The following SLC9B1 variants were observed in gnomAD, a reference collection of about 807,000 sequenced individuals.
SLC9B1 encodes sodium/hydrogen exchanger 9B1.
A neutral mutation model predicts 51.7 loss-of-function variants in SLC9B1; 32 were observed. The ratio of observed to expected loss-of-function variants is 0.62; its 90% CI spans 0.47 to 0.83. The LOEUF is 0.83. Ranked by LOEUF, SLC9B1 falls within the 40% of genes least tolerant of loss-of-function variation. SLC9B1 has a pLI of 0.00. For missense variants in SLC9B1, 406 were observed against 613.2 expected, an observed-to-expected ratio of 0.66 and a Z score of 3.57; for synonymous variants, 145 against 212.7, an observed-to-expected ratio of 0.68 and a Z score of 2.77.
At chr4:102,996,965 TA>T (rs869251637) in intron 1 of SLC9B1, among the ~76,000 whole-genome samples, 24 of 151,412 alleles carry the variant, frequency 1.6e-4, no homozygotes, top group African/African-American at 5.1e-4. Flanking sequence ...TTTTTTTTTT[TA>T]AATTTTTAGT....
rs3974607 is a variant in SLC9B1, at chr4:102,925,699, C to CAAAA, written c.829+6421_829+6424dup. Among the ~76,000 whole-genome samples, 16 of 137,364 alleles carry CAAAA rather than the reference C, an allele frequency of 1.2e-4. 2 individuals are homozygous for CAAAA. The highest frequency in any genetic ancestry group is 1.6e-4 in the Non-Finnish European group (10 of 64,396). 90.1% of individuals were successfully genotyped at this position (137,364 alleles called of 152,430 possible). On this transcript the variant is annotated intron_variant, in intron 7 of 11. Coordinates refer to ENST00000296422, the MANE Select transcript of SLC9B1 (RefSeq NM_139173.4). ...AAAATTAAACACTTCTTCTTTTGTCCAAAAAAAAAAAGAAAGAAAAAAGGG... is the reference window on the plus strand; with the variant it reads ...AAAATTAAACACTTCTTCTTTTGTCCAAAAAAAAAAAAAAAGAAAGAAAAAAGGG...
At chr4:103,006,425 C>T (rs1227269503) in intron 1 of SLC9B1, among the ~76,000 whole-genome samples, 2 of 152,016 alleles carry the variant, frequency 1.3e-5, no homozygotes, top group East Asian at 1.9e-4. Context: ...AAACGTACAA[C>T]CTCCCAAGAT....
intron 6 of SLC9B1, among the ~76,000 whole-genome samples, chr4:102,940,091 T>C (rs1451019122): frequency 1.3e-5 from 2 of 152,194 alleles, no homozygotes; most frequent in Non-Finnish European, 2.9e-5. Flanking sequence ...AACACTTTTA[T>C]ACCAAGAAAA....
At chr4:103,006,353 CT>C (rs1185842778) in intron 1 of SLC9B1, among the ~76,000 whole-genome samples, 5 of 151,926 alleles carry the variant, frequency 3.3e-5, no homozygotes, top group Non-Finnish European at 7.4e-5. Flanking sequence ...AATCCTCAGA[CT>C]ATTATGAACA....
intron 7 of SLC9B1, among the ~76,000 whole-genome samples, chr4:102,921,340 C>A (rs548896952): frequency 6.6e-6 from 1 of 152,100 alleles, no homozygotes. Context: ...GAAATAAAAT[C>A]CTTTACAGAC....
At chr4:102,913,470 G>T (rs917296899) in intron 7 of SLC9B1, among the ~76,000 whole-genome samples, 13 of 152,112 alleles carry the variant, frequency 8.5e-5, no homozygotes, top group African/African-American at 2.9e-4. Context: ...GCTGATTCAG[G>T]TAAAGGTCTT....
intron 1 of SLC9B1, chr4:103,014,741 C>A (rs566517833): frequency 1.3e-5 from 2 of 152,180 alleles, no homozygotes; most frequent in Non-Finnish European, 2.9e-5. Context: ...ATACTTTCTA[C>A]CCAGCAACTT....
At chr4:102,917,351 CT>C (rs1735627533) in intron 7 of SLC9B1, among the ~76,000 whole-genome samples, 1 of 151,884 alleles carries the variant, frequency 6.6e-6, no homozygotes, top group African/African-American at 2.4e-5. Context: ...GGGACTTTGC[CT>C]TTGTAATTAT....
chr4:102,894,269 A>G (rs895922515), intron 11 of SLC9B1, among the ~76,000 whole-genome samples: 1 of 152,224 alleles, frequency 6.6e-6, no homozygotes, highest in African/African-American at 2.4e-5. Flanking sequence ...TAAATCATGA[A>G]ACAACGTTTC....
At chr4:102,961,797 G>A (rs1738146532) in intron 3 of SLC9B1, among the ~76,000 whole-genome samples, 1 of 152,188 alleles carries the variant, frequency 6.6e-6, no homozygotes, top group South Asian at 2.1e-4. Flanking sequence ...AGGTATACAT[G>A]TGCCATGTGG....
intron 7 of SLC9B1, among the ~76,000 whole-genome samples, chr4:102,914,936 T>C (rs1163319469): frequency 2.0e-5 from 3 of 152,102 alleles, no homozygotes; most frequent in African/African-American, 4.8e-5. Flanking sequence ...ATGAGACACA[T>C]TACAATCAAA....
At chr4:103,011,654 C>T (rs1009624024) in intron 1 of SLC9B1, among the ~76,000 whole-genome samples, 3 of 152,188 alleles carry the variant, frequency 2.0e-5, no homozygotes, top group Non-Finnish European at 4.4e-5. Context: ...CGGAGATAGC[C>T]ATGACTACAG....
At chr4:102,979,171 G>A (rs377685040) in intron 3 of SLC9B1, among the ~76,000 whole-genome samples, 1 of 152,124 alleles carries the variant, frequency 6.6e-6, no homozygotes, top group Non-Finnish European at 1.5e-5. Context: ...AGAGACAAAC[G>A]TTTTCAACTC....
intron 9 of SLC9B1, among the ~76,000 whole-genome samples, chr4:102,909,839 T>C (rs528536000): frequency 7.2e-6 from 1 of 139,448 alleles, no homozygotes; most frequent in South Asian, 2.3e-4. Flanking sequence ...ATTTATTTTT[T>C]TGTGATGGAG....
rs551343986 is a variant in SLC9B1 at position 102,955,061 on chromosome 4, C to T, written c.212-5634G>A. 8.5e-5 allele frequency among the ~76,000 whole-genome samples: 13 copies of T among 152,312 alleles called. No individual in the cohort carries two copies. In the East Asian group the frequency reaches 1.9e-3, roughly 23 times the overall value. ...TGGTAAAAGTCTGAGCCCTTCCTGA[C>T]TGGGGTTGCTCCCTGATATGGTTTG... On this transcript the variant is annotated intron_variant, in intron 3 of 11. Coordinates refer to ENST00000296422, the MANE Select transcript of SLC9B1 (RefSeq NM_139173.4).
chr4:102,912,138 G>GAAA, intron 7 of SLC9B1: 1 of 143,440 alleles, frequency 7.0e-6, no homozygotes, highest in South Asian at 2.0e-4. Flanking sequence ...ACCTCCAAAA[G>GAAA]AAAAAAAAAA....
chr4:102,949,521 C>A (rs1386438667), intron 3 of SLC9B1, 94 bp from the exon 4 acceptor site: 5 of 959,868 alleles, frequency 5.2e-6, no homozygotes, highest in Non-Finnish European at 4.3e-6. Context: ...ATACTAATAG[C>A]CAGTTTTATA....
intron 1 of SLC9B1, among the ~76,000 whole-genome samples, chr4:103,009,512 TA>T (rs947534670): frequency 4.2e-4 from 64 of 152,334 alleles, no homozygotes; most frequent in Admixed American, 3.6e-3. Flanking sequence ...AAATTTCCTT[TA>T]AAAATCATAA....
At chr4:102,946,834 A>AG in intron 4 of SLC9B1, 45 bp from the exon 5 acceptor site, 1 of 1,511,512 alleles carries the variant, frequency 6.6e-7, no homozygotes, top group Non-Finnish European at 8.8e-7. Flanking sequence ...CATTTTTCTG[A>AG]GAAAGAAAAC....
Sources: allele counts gnomAD v4.1 joint callset (sites outside exome capture counted in the v4.1 genomes callset), GRCh38; gene constraint gnomAD v4.1.1; transcripts MANE v1.5; gene names NCBI Gene and HGNC (gene_info 2026-07-23, HGNC 2026-07-21).